SIAH3: variants seen among roughly 807,000 people sequenced by gnomAD.
The protein encoded by SIAH3 is seven in absentia homolog 3.
A neutral mutation model predicts 12.6 loss-of-function variants in SIAH3; 9 were observed. That is an observed-to-expected ratio of 0.72 (90% CI 0.43 to 1.25). SIAH3 has a LOEUF of 1.25. Among genes scored for constraint, SIAH3 ranks in the 50% most tolerant of loss-of-function variants. The probability of loss-of-function intolerance (pLI) is 0.00; values close to 1 mark genes in which losing one functional copy is unlikely to be tolerated. For synonymous variants in SIAH3, 154 were observed against 151.1 expected, an observed-to-expected ratio of 1.02 and a Z score of -0.14; for missense variants, 390 against 365.4, an observed-to-expected ratio of 1.07 and a Z score of -0.55.
chr13:45,815,672 T>C (rs910311779), intron 1 of SIAH3, among the ~76,000 whole-genome samples: 1 of 152,210 alleles, frequency 6.6e-6, no homozygotes, highest in African/African-American at 2.4e-5. Flanking sequence ...TCTCATCCAC[T>C]AGGAAGGACC....
At chr13:45,834,416 T>G (rs995583078) in intron 1 of SIAH3, among the ~76,000 whole-genome samples, 15 of 152,292 alleles carry the variant, frequency 9.8e-5, no homozygotes, top group African/African-American at 2.9e-4. Context: ...CTCTTCTTGC[T>G]TGGAAAAGAA....
Position 45,783,448 on chromosome 13 carries a change from C to T in SIAH3, c.745G>A (p.Gly249Ser), listed in dbSNP as rs1012313538. The T allele has an allele frequency of 2.5e-6, 4 of 1,613,830 alleles. No individual in the cohort carries two copies. The highest frequency in any genetic ancestry group is 1.3e-5 in the African/African-American group (1 of 74,860). ...ATGGCAATCCCAATGGCAAGGCTGC[C>T]GTTGTCAGAGAAGAGCTGTGCCAGC... ...TSLAQLFSDN[G>S]SLAIGIAITA... is the part of the protein sequence containing the mutation. The change falls in exon 2 of 2, where the codon GGC becomes AGC. Residue 249 changes from glycine (G) to serine (S), a missense_variant. Gly to Ser is a moderately conservative substitution (Grantham distance 56). Coordinates refer to ENST00000400405, the MANE Select transcript of SIAH3 (RefSeq NM_198849.3).
chr13:45,831,259 T>C (rs1319526210), intron 1 of SIAH3, among the ~76,000 whole-genome samples: 1 of 151,902 alleles, frequency 6.6e-6, no homozygotes, highest in Non-Finnish European at 1.5e-5. Flanking sequence ...TAATAATGAC[T>C]TTGAGCCTTC....
chr13:45,837,611 G>A (rs548700639), intron 1 of SIAH3, among the ~76,000 whole-genome samples: 139 of 151,344 alleles, frequency 9.2e-4, no homozygotes, highest in Non-Finnish European at 1.8e-3. Flanking sequence ...GACAGAGGGA[G>A]GGAGGGAGGA....
chr13:45,784,404 T>TG (rs1174358572), intron 1 of SIAH3, among the ~76,000 whole-genome samples: 4 of 149,214 alleles, frequency 2.7e-5, no homozygotes, highest in African/African-American at 7.5e-5. Flanking sequence ...AGCTGTTTTT[T>TG]TTTTTTTTTT....
chr13:45,794,337 C>T (rs1950555707), intron 1 of SIAH3, among the ~76,000 whole-genome samples: 1 of 152,144 alleles, frequency 6.6e-6, no homozygotes, highest in African/African-American at 2.4e-5. Context: ...CAACTCCATA[C>T]CCATGTGCTA....
At chr13:45,835,584 C>T (rs373171074) in intron 1 of SIAH3, among the ~76,000 whole-genome samples, 1 of 152,148 alleles carries the variant, frequency 6.6e-6, no homozygotes, top group African/African-American at 2.4e-5. Flanking sequence ...AAACTGAGGT[C>T]CCCAAAAAGC....
intron 1 of SIAH3, among the ~76,000 whole-genome samples, chr13:45,841,805 C>T (rs1457206002): frequency 2.0e-4 from 31 of 152,172 alleles, no homozygotes; most frequent in Non-Finnish European, 4.4e-5. Flanking sequence ...ATCCCTGTCC[C>T]TCACTATATA....
chr13:45,796,502 A>C (rs1298149063), intron 1 of SIAH3, among the ~76,000 whole-genome samples: 2 of 152,202 alleles, frequency 1.3e-5, no homozygotes, highest in Non-Finnish European at 2.9e-5. Context: ...CTCAGGGAGC[A>C]TGAGCTCCCT....
chr13:45,802,798 G>C (rs779701092), intron 1 of SIAH3, among the ~76,000 whole-genome samples: 1 of 152,202 alleles, frequency 6.6e-6, no homozygotes, highest in Non-Finnish European at 1.5e-5. Context: ...CAGGCCAGGC[G>C]TGGTGGCTCA....
At chr13:45,792,575 CTCGAA>C (rs1480537613) in intron 1 of SIAH3, among the ~76,000 whole-genome samples, 1 of 152,098 alleles carries the variant, frequency 6.6e-6, no homozygotes, top group African/African-American at 2.4e-5. Context: ...CCGGGCTGGT[CTCGAA>C]CTACTGGCCT....
intron 1 of SIAH3, among the ~76,000 whole-genome samples, chr13:45,786,880 C>G (rs1950529711): frequency 1.3e-5 from 2 of 152,144 alleles, no homozygotes; most frequent in Admixed American, 6.5e-5. Flanking sequence ...CCTGAAATCC[C>G]CATTCAGAAG....
At chr13:45,829,972 G>A (rs915412448) in intron 1 of SIAH3, among the ~76,000 whole-genome samples, 1 of 152,074 alleles carries the variant, frequency 6.6e-6, no homozygotes, top group Non-Finnish European at 1.5e-5. Flanking sequence ...CCTGGGCAAG[G>A]GTCACAGAAA....
At chr13:45,787,509 G>T (rs1950532205) in intron 1 of SIAH3, among the ~76,000 whole-genome samples, 1 of 152,200 alleles carries the variant, frequency 6.6e-6, no homozygotes, top group African/African-American at 2.4e-5. Context: ...ATTCTAGCCA[G>T]TGTGAGGTGA....
intron 1 of SIAH3, among the ~76,000 whole-genome samples, chr13:45,792,443 C>T (rs1228240658): frequency 3.3e-5 from 5 of 151,024 alleles, no homozygotes; most frequent in Non-Finnish European, 7.4e-5. Flanking sequence ...TTGCAACCTT[C>T]GCCTCCTGGG....
chr13:45,784,396 C>CTTTTTTTTTTTTTTTTTTTTTTTTTTTT (rs1555256292), intron 1 of SIAH3, among the ~76,000 whole-genome samples: 4 of 102,038 alleles, frequency 3.9e-5, no homozygotes, highest in Admixed American at 9.6e-5. Context: ...ACAAAGACAG[C>CTTTTTTTTTTTTTTTTTTTTTTTTTTTT]TGTTTTTTTT....
At chr13:45,798,862 C>T (rs890425514) in intron 1 of SIAH3, among the ~76,000 whole-genome samples, 1 of 152,222 alleles carries the variant, frequency 6.6e-6, no homozygotes, top group South Asian at 2.1e-4. Context: ...GTCTTATCTT[C>T]TTCCATGATT....
chr13:45,823,406 T>TAGGAA (rs1220021361), intron 1 of SIAH3, among the ~76,000 whole-genome samples: 1 of 152,238 alleles, frequency 6.6e-6, no homozygotes, highest in African/African-American at 2.4e-5. Flanking sequence ...AGAACCACTA[T>TAGGAA]AGGCAAGGCA....
At chr13:45,837,417 C>T (rs1373241115) in intron 1 of SIAH3, among the ~76,000 whole-genome samples, 1 of 150,124 alleles carries the variant, frequency 6.7e-6, no homozygotes, top group Non-Finnish European at 1.5e-5. Context: ...TTGGGGACTT[C>T]CTTATTTAAA....
Sources: allele counts gnomAD v4.1 joint callset (sites outside exome capture counted in the v4.1 genomes callset), GRCh38; gene constraint gnomAD v4.1.1; transcripts MANE v1.5; gene names NCBI Gene and HGNC (gene_info 2026-07-23, HGNC 2026-07-21).